The following KDM4B variants were observed in gnomAD, a reference collection of about 807,000 sequenced individuals.
KDM4B encodes the protein lysine-specific demethylase 4B.
KDM4B carries 32 observed loss-of-function variants against 125.2 expected under a neutral mutation model. The ratio of observed to expected loss-of-function variants is 0.26; its 90% confidence interval spans 0.19 to 0.34. The LOEUF is 0.34. Ranked by LOEUF, KDM4B falls within the 10% of genes least tolerant of loss-of-function variation. The pLI is 1.00. For missense variants in KDM4B, 1,190 were observed against 1,577.7 expected (o/e 0.75, Z 4.16); for synonymous variants, 721 against 677.9 (o/e 1.06, Z -0.99).
At chr19:5,111,826 C>T (rs1284994460) in intron 10 of KDM4B, 2 of 765,028 alleles carry the variant, frequency 2.6e-6, no homozygotes, top group African/African-American at 3.4e-5. Context: ...ACTCAAGACC[C>T]TTGCAGATGA....
chr19:5,011,241 A>G (rs931768050), intron 1 of KDM4B, among the ~76,000 whole-genome samples: 1 of 152,186 alleles, frequency 6.6e-6, no homozygotes, highest in Non-Finnish European at 1.5e-5. Flanking sequence ...TGATGTTTAC[A>G]AACTGTGGCC....
At chr19:5,066,100 C>T (rs184261866) in intron 6 of KDM4B, among the ~76,000 whole-genome samples, 10 of 152,334 alleles carry the variant, frequency 6.6e-5, no homozygotes, top group African/African-American at 1.7e-4. Flanking sequence ...TGTGTCAGGC[C>T]GCGGGGCTCA....
chr19:5,092,855 G>A (rs542869346), intron 9 of KDM4B, among the ~76,000 whole-genome samples: 1 of 152,324 alleles, frequency 6.6e-6, no homozygotes, highest in South Asian at 2.1e-4. Context: ...CTCAGCCGTC[G>A]TGGATGAGTC....
chr19:5,065,644 G>A (rs1017239062), intron 6 of KDM4B, among the ~76,000 whole-genome samples: 1 of 152,176 alleles, frequency 6.6e-6, no homozygotes, highest in African/African-American at 2.4e-5. Context: ...CCAGCGTGGC[G>A]GCGAGATGAC....
Position 5,143,301 on chromosome 19 carries a change from G to A in KDM4B, c.2551-666G>A, listed in dbSNP as rs572297156. On this transcript the variant is annotated intron_variant, in intron 18 of 22. Transcript: ENST00000159111. ...TCGCGCCGTGTGCTCCAGCCTGGGTGACAGAGCACCCAGGCTCAAAAAAAA... is the reference window on the plus strand; with the variant it reads ...TCGCGCCGTGTGCTCCAGCCTGGGTAACAGAGCACCCAGGCTCAAAAAAAA... Among the ~76,000 whole-genome samples the A allele has an allele frequency of 2.1e-5, 3 of 145,522 alleles. 1 individual carries two copies. The East Asian group carries it at 6.2e-4, about 30-fold the overall frequency.
chr19:4,986,101 G>A (rs955167145), intron 1 of KDM4B, among the ~76,000 whole-genome samples: 2 of 152,238 alleles, frequency 1.3e-5, no homozygotes, highest in Non-Finnish European at 2.9e-5. Flanking sequence ...CCCCGGGGGA[G>A]TAGTGATGGA....
At chr19:4,977,235 T>G (rs542240620) in intron 1 of KDM4B, among the ~76,000 whole-genome samples, 211 of 152,294 alleles carry the variant, frequency 1.4e-3, no homozygotes, top group African/African-American at 4.9e-3. Context: ...GCGAAGTTGC[T>G]CTGTGGCTCT....
At chr19:5,023,101 A>G (rs1171488183) in intron 2 of KDM4B, among the ~76,000 whole-genome samples, 3 of 152,062 alleles carry the variant, frequency 2.0e-5, no homozygotes, top group Non-Finnish European at 4.4e-5. Context: ...GGGGAGCCCG[A>G]TGTCCTCACC....
chr19:5,066,909 G>A (rs563826283), intron 6 of KDM4B, among the ~76,000 whole-genome samples: 8 of 152,326 alleles, frequency 5.3e-5, no homozygotes, highest in Admixed American at 5.2e-4. Context: ...TGGGGGTGCT[G>A]TGGACAGTGG....
At chr19:5,066,755 G>T (rs991832654) in intron 6 of KDM4B, among the ~76,000 whole-genome samples, 1 of 152,186 alleles carries the variant, frequency 6.6e-6, no homozygotes, top group Non-Finnish European at 1.5e-5. Context: ...TCCAGATCCC[G>T]GGCTGGAGAT....
intron 1 of KDM4B, among the ~76,000 whole-genome samples, chr19:4,983,664 C>T (rs952761517): frequency 5.9e-5 from 9 of 152,244 alleles, no homozygotes; most frequent in South Asian, 2.1e-4. Flanking sequence ...GAGGTGTTTC[C>T]GGGAAGAGAA....
chr19:5,044,051 G>A (rs112520269), intron 5 of KDM4B, among the ~76,000 whole-genome samples: 1,425 of 46,480 alleles, frequency 0.031, 49 homozygotes, highest in Non-Finnish European at 0.044. Context: ...TTATCGGAGT[G>A]GGGGTGTCCA....
chr19:5,010,350 G>A (rs2035688835), intron 1 of KDM4B, among the ~76,000 whole-genome samples: 1 of 152,204 alleles, frequency 6.6e-6, no homozygotes, highest in Non-Finnish European at 1.5e-5. Context: ...TGGCTGATGT[G>A]GCTGATGCGG....
chr19:5,061,845 AAACAACAACAAAAAAC>A (rs890368083), intron 6 of KDM4B, among the ~76,000 whole-genome samples: 2 of 152,040 alleles, frequency 1.3e-5, no homozygotes, highest in South Asian at 4.1e-4. Flanking sequence ...AAAAAACAAA[AAACAACAACAAAAAAC>A]AACAACAAAA....
intron 1 of KDM4B, among the ~76,000 whole-genome samples, chr19:4,994,275 T>C (rs2145396040): frequency 6.6e-6 from 1 of 150,724 alleles, no homozygotes; most frequent in South Asian, 2.2e-4. Flanking sequence ...TCTTTGAATC[T>C]AAAGAGTGTC....
chr19:4,993,317 C>G (rs1293937199), intron 1 of KDM4B, among the ~76,000 whole-genome samples: 1 of 151,602 alleles, frequency 6.6e-6, no homozygotes, highest in Non-Finnish European at 1.5e-5. Context: ...GCTGAGGCAC[C>G]AGAATCGCTT....
chr19:5,146,072 C>G (rs1021184568), intron 21 of KDM4B, among the ~76,000 whole-genome samples: 4 of 149,402 alleles, frequency 2.7e-5, no homozygotes, highest in African/African-American at 9.7e-5. Flanking sequence ...CCGGTCACCA[C>G]TCTCGGACCT....
chr19:5,111,592 C>T (rs750723547), intron 10 of KDM4B: 1 of 735,690 alleles, frequency 1.4e-6, no homozygotes, highest in East Asian at 2.5e-5. Flanking sequence ...GTCCAGGCTT[C>T]CAGGGCTCTG....
chr19:5,058,043 C>T (rs1371094917), intron 6 of KDM4B, among the ~76,000 whole-genome samples: 2 of 152,244 alleles, frequency 1.3e-5, no homozygotes, highest in East Asian at 3.9e-4. Context: ...CTTCTGCCCA[C>T]ACCTCATTGG....
Sources: gnomAD v4.1 joint callset for allele counts (sites outside exome capture counted in the v4.1 genomes callset) on GRCh38, gnomAD v4.1.1 for gene constraint, MANE v1.5 for transcripts, NCBI Gene and HGNC (gene_info 2026-07-23, HGNC 2026-07-21) for gene names.